The following FAM117B variants were observed in gnomAD, a reference collection of about 807,000 sequenced individuals.
FAM117B encodes family with sequence similarity 117 member B.
FAM117B carries 22 observed loss-of-function variants against 52.8 expected under a neutral mutation model. The ratio of observed to expected loss-of-function variants is 0.42; its 90% CI spans 0.30 to 0.59. The LOEUF (loss-of-function observed/expected upper bound fraction) is 0.59. FAM117B is among the 20% of genes least tolerant of loss of function. FAM117B has a pLI of 0.22. For missense variants in FAM117B, 678 were observed against 802.6 expected (o/e 0.84, Z 1.88); for synonymous variants, 309 against 324.1 (o/e 0.95, Z 0.50).
intron 4 of FAM117B, among the ~76,000 whole-genome samples, chr2:202,744,496 AT>A (rs1322148898): frequency 6.6e-6 from 1 of 152,160 alleles, no homozygotes; most frequent in East Asian, 1.9e-4. Flanking sequence ...AATATTGTGC[AT>A]CAGATTTCAA....
chr2:202,740,173 C>CAAAAAAA (rs1358404767), intron 4 of FAM117B, among the ~76,000 whole-genome samples: 7,334 of 69,396 alleles, frequency 0.11, 2,575 homozygotes, highest in East Asian at 0.22. Flanking sequence ...ACTTCATCCC[C>CAAAAAAA]CAAAAAAAAA....
chr2:202,635,553 C>T lies in FAM117B; in HGVS notation c.366C>T (p.Gly122=). ...GCGCGTCCGCGACGTCCACGCGAGG[C>T]ACCAGCCCCACGCGCAGCGCCGCGC... is the stretch of plus-strand genomic sequence containing the variant. The part of the protein sequence containing the change: ...QTGASATSTR[G]TSPTRSAAPG... The change falls in exon 1 of 8, where the codon GGC becomes GGT. Residue 122 remains glycine (G), a synonymous_variant. Transcript: ENST00000392238. The T allele has an allele frequency of 1.7e-6, 2 of 1,203,130 alleles. No homozygotes were observed. The highest frequency in any genetic ancestry group is 3.7e-5 in the South Asian group (1 of 27,110). 74.5% of individuals were successfully genotyped at this position (1,203,130 alleles called of 1,614,324 possible).
chr2:202,649,910 C>T (rs1343978476), intron 1 of FAM117B, among the ~76,000 whole-genome samples: 1 of 151,434 alleles, frequency 6.6e-6, no homozygotes, highest in Admixed American at 6.6e-5. Context: ...TCTTGTTGCC[C>T]AGGCTGGAGT....
At chr2:202,752,782 G>A (rs571014902) in intron 4 of FAM117B, among the ~76,000 whole-genome samples, 2 of 152,150 alleles carry the variant, frequency 1.3e-5, no homozygotes, top group African/African-American at 2.4e-5. Flanking sequence ...TGAATATCTT[G>A]TCAGGAAACA....
intron 1 of FAM117B, among the ~76,000 whole-genome samples, chr2:202,645,852 C>T (rs182334035): frequency 5.6e-4 from 83 of 147,588 alleles, no homozygotes; most frequent in East Asian, 5.5e-3. Context: ...GTGATCCGCC[C>T]GCCTTGGCCT....
intron 1 of FAM117B, among the ~76,000 whole-genome samples, chr2:202,658,935 C>CTT (rs1690087754): frequency 6.6e-6 from 1 of 151,566 alleles, no homozygotes; most frequent in South Asian, 2.1e-4. Flanking sequence ...CAGTTTTTTT[C>CTT]TTTTGTTCTT....
chr2:202,721,438 AAAT>A (rs1460644126), intron 2 of FAM117B, among the ~76,000 whole-genome samples: 1 of 152,214 alleles, frequency 6.6e-6, no homozygotes, highest in Non-Finnish European at 1.5e-5. Flanking sequence ...TTTCATCAAA[AAAT>A]ATTTGCATTC....
chr2:202,694,843 G>A (rs868308406), intron 1 of FAM117B, among the ~76,000 whole-genome samples: 1 of 152,036 alleles, frequency 6.6e-6, no homozygotes, highest in Non-Finnish European at 1.5e-5. Flanking sequence ...GAAGATTGAG[G>A]AATAAGATGA....
intron 1 of FAM117B, among the ~76,000 whole-genome samples, chr2:202,694,650 C>G (rs1260462978): frequency 1.3e-5 from 2 of 152,042 alleles, no homozygotes; most frequent in African/African-American, 4.8e-5. Flanking sequence ...TTTGTTTGCT[C>G]AGAAATGAAA....
At chr2:202,765,220 T>TG (rs1279201266) in intron 7 of FAM117B, among the ~76,000 whole-genome samples, 1 of 152,138 alleles carries the variant, frequency 6.6e-6, no homozygotes, top group African/African-American at 2.4e-5. Flanking sequence ...GCAATGATGA[T>TG]GGGGGCTTCT....
chr2:202,717,306 A>G (rs1461568657), intron 2 of FAM117B, among the ~76,000 whole-genome samples: 2 of 152,164 alleles, frequency 1.3e-5, no homozygotes, highest in East Asian at 1.9e-4. Context: ...TCCCATCTCT[A>G]CAAAAAGAAA....
chr2:202,748,897 G>A (rs915248643), intron 4 of FAM117B, among the ~76,000 whole-genome samples: 2 of 152,012 alleles, frequency 1.3e-5, no homozygotes, highest in Non-Finnish European at 2.9e-5. Flanking sequence ...CAACCTAAGT[G>A]CCCATCAACA....
chr2:202,648,122 A>C (rs911656057), intron 1 of FAM117B, among the ~76,000 whole-genome samples: 17 of 152,180 alleles, frequency 1.1e-4, no homozygotes, highest in African/African-American at 3.9e-4. Context: ...TACAGTCAGC[A>C]GTCTTCTTGC....
chr2:202,644,064 G>GTTTGTTTTTT (rs1689816805), intron 1 of FAM117B, among the ~76,000 whole-genome samples: 4 of 95,138 alleles, frequency 4.2e-5, no homozygotes, highest in African/African-American at 1.8e-4. Context: ...TTTTTTTTTT[G>GTTTGTTTTTT]TTTTTTTTTT....
intron 7 of FAM117B, among the ~76,000 whole-genome samples, chr2:202,760,689 C>T (rs1183430960): frequency 1.3e-5 from 2 of 152,066 alleles, no homozygotes; most frequent in East Asian, 3.8e-4. Flanking sequence ...TTTTTCACTT[C>T]TCTGTGGCCC....
intron 2 of FAM117B, among the ~76,000 whole-genome samples, chr2:202,707,642 G>A (rs892242990): frequency 2.0e-5 from 3 of 151,904 alleles, no homozygotes; most frequent in Non-Finnish European, 1.5e-5. Flanking sequence ...GGGAGGTGGA[G>A]GTCACAGTGA....
Position 202,698,669 on chromosome 2 carries a change from C to T in FAM117B, c.753+2637C>T, listed in dbSNP as rs148137378. 8.5e-3 allele frequency among the ~76,000 whole-genome samples: 1,288 copies of T among 152,170 alleles called. 25 individuals are homozygous for T. The highest frequency in any genetic ancestry group is 0.029 in the African/African-American group (1,219 of 41,502). On this transcript the variant is annotated intron_variant, in intron 2 of 7. Coordinates refer to ENST00000392238, the MANE Select transcript of FAM117B (RefSeq NM_173511.4). ...AACTCCTGACCTCAGGTGATCCACC[C>T]GCCTTGGCCTCCCAAAGCGCTAGGA...
intron 2 of FAM117B, among the ~76,000 whole-genome samples, chr2:202,716,278 A>C (rs1691054943): frequency 6.6e-6 from 1 of 151,998 alleles, no homozygotes; most frequent in South Asian, 2.1e-4. Context: ...GTTTTTCATA[A>C]ATGAAATGTG....
intron 2 of FAM117B, among the ~76,000 whole-genome samples, chr2:202,718,199 C>T (rs942581520): frequency 5.3e-5 from 8 of 152,170 alleles, no homozygotes; most frequent in African/African-American, 1.9e-4. Context: ...CCCTCTGGCC[C>T]AGGGCAGGTC....
Sources: gnomAD v4.1 joint callset for allele counts (sites outside exome capture counted in the v4.1 genomes callset) on GRCh38, gnomAD v4.1.1 for gene constraint, MANE v1.5 for transcripts, NCBI Gene and HGNC (gene_info 2026-07-23, HGNC 2026-07-21) for gene names.